Variants in TBC1D5 observed in about 807,000 individuals in gnomAD.
TBC1D5 encodes TBC1 domain family member 5.
Under a neutral mutation model 100.3 loss-of-function variants are expected in TBC1D5, and 75 were observed. That is an observed-to-expected ratio of 0.75 (90% CI 0.62 to 0.91). TBC1D5 has a LOEUF of 0.91. TBC1D5 is among the 40% of genes least tolerant of loss of function. The probability of loss-of-function intolerance (pLI) is 0.00; values close to 1 mark genes in which losing one functional copy is unlikely to be tolerated. For synonymous variants in TBC1D5, 323 were observed against 325.6 expected, an observed-to-expected ratio of 0.99 and a Z score of 0.09; for missense variants, 910 against 942.4, an observed-to-expected ratio of 0.97 and a Z score of 0.45.
intron 1 of TBC1D5, among the ~76,000 whole-genome samples, chr3:17,653,884 C>T (rs1367026697): frequency 2.0e-5 from 3 of 151,934 alleles, no homozygotes; most frequent in Non-Finnish European, 4.4e-5. Context: ...TTAACTTCCT[C>T]CATGAACATA....
intron 2 of TBC1D5, among the ~76,000 whole-genome samples, chr3:17,561,281 C>T (rs968602182): frequency 6.6e-6 from 1 of 152,076 alleles, no homozygotes; most frequent in African/African-American, 2.4e-5. Flanking sequence ...ATACACATAT[C>T]ATACATATGA....
At chr3:17,451,666 T>C (rs558694191) in intron 3 of TBC1D5, among the ~76,000 whole-genome samples, 1 of 152,254 alleles carries the variant, frequency 6.6e-6, no homozygotes, top group Non-Finnish European at 1.5e-5. Context: ...GAGAAATACC[T>C]AATGTGGATG....
At chr3:17,506,441 G>A (rs1219774455) in intron 3 of TBC1D5, among the ~76,000 whole-genome samples, 1 of 152,138 alleles carries the variant, frequency 6.6e-6, no homozygotes, top group Non-Finnish European at 1.5e-5. Flanking sequence ...CTGTTTTAGA[G>A]CATACAGAGA....
At chr3:17,195,338 T>A (rs1331803574) in intron 18 of TBC1D5, among the ~76,000 whole-genome samples, 1 of 152,218 alleles carries the variant, frequency 6.6e-6, no homozygotes, top group Non-Finnish European at 1.5e-5. Flanking sequence ...AACAAGGGTT[T>A]TCCCCCTCCC....
intron 3 of TBC1D5, among the ~76,000 whole-genome samples, chr3:17,497,087 G>GACACACACAC (rs71049202): frequency 3.0e-4 from 39 of 128,990 alleles, no homozygotes; most frequent in Non-Finnish European, 4.4e-4. Context: ...CTCTCTCTCT[G>GACACACACAC]ACACACACAC....
chr3:17,262,011 A>G (rs530045532), intron 15 of TBC1D5, among the ~76,000 whole-genome samples: 4 of 152,348 alleles, frequency 2.6e-5, no homozygotes, highest in African/African-American at 9.6e-5. Flanking sequence ...CTCATTGGGC[A>G]GAACATGTTA....
rs568842641 is a variant in TBC1D5 at position 17,394,355 on chromosome 3, T to C, written c.509+8826A>G. On this transcript the variant is annotated intron_variant, in intron 8 of 21. Coordinates refer to ENST00000253692, the Ensembl canonical transcript of TBC1D5. ...AGACAAACAAGATTAACATAAATTA[T>C]AGAGTAATGGAAAAACAGAAGTCCC... Among the ~76,000 whole-genome samples, 17 of 152,238 alleles carry C rather than the reference T, an allele frequency of 1.1e-4. 1 individual carries two copies. The South Asian group carries it at 3.1e-3, about 28-fold the overall frequency.
At chr3:17,203,580 T>A (rs144132759) in intron 18 of TBC1D5, among the ~76,000 whole-genome samples, 1 of 152,268 alleles carries the variant, frequency 6.6e-6, no homozygotes, top group East Asian at 1.9e-4. Context: ...ATCCTCTGAG[T>A]TGGAGGAGGG....
intron 19 of TBC1D5, among the ~76,000 whole-genome samples, chr3:17,176,959 G>A (rs994357934): frequency 3.3e-5 from 5 of 152,140 alleles, no homozygotes; most frequent in Admixed American, 2.6e-4. Flanking sequence ...GTGCTACAAC[G>A]CCAAGGCAGC....
At chr3:17,646,342 T>C (rs752680846) in intron 1 of TBC1D5, among the ~76,000 whole-genome samples, 28 of 152,092 alleles carry the variant, frequency 1.8e-4, no homozygotes, top group Non-Finnish European at 3.7e-4. Context: ...ATAAATTTCT[T>C]TTGTTTTTAG....
chr3:17,389,134 T>A (rs978962653), intron 8 of TBC1D5, among the ~76,000 whole-genome samples: 3 of 152,102 alleles, frequency 2.0e-5, no homozygotes, highest in East Asian at 1.9e-4. Flanking sequence ...GAAACCAGAT[T>A]TTTTATCCTG....
chr3:17,733,180 T>G (rs1404931230), intron 1 of TBC1D5, among the ~76,000 whole-genome samples: 1 of 152,218 alleles, frequency 6.6e-6, no homozygotes, highest in Non-Finnish European at 1.5e-5. Context: ...TACTAGGTGC[T>G]TCCCCATTCC....
At chr3:17,264,654 G>C (rs1297537642) in intron 15 of TBC1D5, among the ~76,000 whole-genome samples, 1 of 152,186 alleles carries the variant, frequency 6.6e-6, no homozygotes, top group Non-Finnish European at 1.5e-5. Context: ...GAGTCAGTGA[G>C]GGTCGTACTC....
At chr3:17,641,819 T>C (rs540519112) in intron 1 of TBC1D5, among the ~76,000 whole-genome samples, 2 of 152,180 alleles carry the variant, frequency 1.3e-5, no homozygotes, top group Non-Finnish European at 2.9e-5. Flanking sequence ...TATTTAGAAT[T>C]GTAAATTTCA....
intron 14 of TBC1D5, among the ~76,000 whole-genome samples, chr3:17,300,101 G>C (rs929094141): frequency 2.6e-5 from 4 of 152,128 alleles, no homozygotes; most frequent in African/African-American, 9.7e-5. Context: ...GCCTTTGTTA[G>C]TGAAACATGA....
chr3:17,222,391 T>G (rs978557891), intron 17 of TBC1D5, among the ~76,000 whole-genome samples: 1 of 152,170 alleles, frequency 6.6e-6, no homozygotes. Flanking sequence ...TGATGGGATA[T>G]GTGTGTGTAT....
chr3:17,629,450 G>A (rs1478135876), intron 1 of TBC1D5, among the ~76,000 whole-genome samples: 1 of 152,106 alleles, frequency 6.6e-6, no homozygotes, highest in Non-Finnish European at 1.5e-5. Flanking sequence ...TAATTCTTTA[G>A]TATAAAATAA....
chr3:17,535,470 T>C (rs867639275), intron 2 of TBC1D5, among the ~76,000 whole-genome samples: 1 of 152,176 alleles, frequency 6.6e-6, no homozygotes, highest in Admixed American at 6.5e-5. Context: ...TTGTGCCTTG[T>C]ACCTTATGAT....
intron 13 of TBC1D5, among the ~76,000 whole-genome samples, chr3:17,335,551 T>C (rs561265713): frequency 4.2e-4 from 64 of 152,292 alleles, no homozygotes; most frequent in African/African-American, 1.4e-3. Flanking sequence ...TGATAATTGC[T>C]TTACTTTTTA....
Sources: gnomAD v4.1 joint callset for allele counts (sites outside exome capture counted in the v4.1 genomes callset) on GRCh38, gnomAD v4.1.1 for gene constraint, MANE v1.5 for transcripts, NCBI Gene and HGNC (gene_info 2026-07-23, HGNC 2026-07-21) for gene names.